GSK3B: variants seen among roughly 807,000 people sequenced by gnomAD.
GSK3B encodes the protein glycogen synthase kinase 3 beta, also known as glycogen synthase kinase-3 beta.
Under a neutral mutation model 56.4 loss-of-function variants are expected in GSK3B, and 15 were observed. That is an observed-to-expected ratio of 0.27 (90% confidence interval 0.18 to 0.41). The LOEUF (loss-of-function observed/expected upper bound fraction) is 0.41, where lower values mean the gene tolerates loss of function less well. Among genes scored for constraint, GSK3B ranks in the 10% least tolerant of loss-of-function variants. The pLI is 1.00. For synonymous variants in GSK3B, 181 were observed against 188.9 expected, an observed-to-expected ratio of 0.96 and a Z score of 0.34; for missense variants, 300 against 513.4, an observed-to-expected ratio of 0.58 and a Z score of 4.02.
chr3:120,088,338 TC>T (rs1420746587), intron 1 of GSK3B, among the ~76,000 whole-genome samples: 1 of 152,242 alleles, frequency 6.6e-6, no homozygotes, highest in African/African-American at 2.4e-5. Flanking sequence ...AATGGAATAT[TC>T]CTTTTTTATA....
At chr3:119,905,947 T>C in intron 6 of GSK3B, 95 bp from the exon 7 acceptor site, 2 of 750,282 alleles carry the variant, frequency 2.7e-6, no homozygotes, top group Middle Eastern at 2.4e-4. Context: ...GATCACAGAG[T>C]AAATATCACA....
chr3:119,982,866 G>T (rs898736476), intron 2 of GSK3B, among the ~76,000 whole-genome samples: 4 of 152,120 alleles, frequency 2.6e-5, no homozygotes, highest in African/African-American at 9.7e-5. Flanking sequence ...ACACCACAAA[G>T]ATACTCCAAG....
intron 3 of GSK3B, among the ~76,000 whole-genome samples, chr3:119,928,863 CTA>C (rs2056915551): frequency 6.6e-6 from 1 of 152,174 alleles, no homozygotes; most frequent in African/African-American, 2.4e-5. Context: ...ATGACAGTAT[CTA>C]TTTTAAAGAA....
At chr3:119,855,653 A>G (rs1323707912) in intron 9 of GSK3B, among the ~76,000 whole-genome samples, 2 of 152,236 alleles carry the variant, frequency 1.3e-5, no homozygotes, top group African/African-American at 4.8e-5. Context: ...GCAGCCATAA[A>G]AAAGGATGAG....
At chr3:119,883,912 G>C (rs1162112151) in intron 7 of GSK3B, among the ~76,000 whole-genome samples, 2 of 150,348 alleles carry the variant, frequency 1.3e-5, no homozygotes, top group African/African-American at 4.9e-5. Flanking sequence ...TTTGAGACCA[G>C]ACATTCAGGA....
chr3:119,843,001 C>T (rs185935374), intron 10 of GSK3B, among the ~76,000 whole-genome samples: 102 of 152,048 alleles, frequency 6.7e-4, no homozygotes, highest in Middle Eastern at 6.8e-3. Flanking sequence ...ATGCAACCTC[C>T]GCCTCCCGGT....
intron 3 of GSK3B, among the ~76,000 whole-genome samples, chr3:119,925,389 T>G (rs2056880849): frequency 6.6e-6 from 1 of 152,214 alleles, no homozygotes; most frequent in African/African-American, 2.4e-5. Context: ...TCCAGACCAC[T>G]TAATTTCTTC....
chr3:120,088,813 G>A (rs2058487286), intron 1 of GSK3B, among the ~76,000 whole-genome samples: 1 of 152,118 alleles, frequency 6.6e-6, no homozygotes, highest in Admixed American at 6.5e-5. Flanking sequence ...TCCATTATAG[G>A]GTGGAGCATC....
intron 1 of GSK3B, among the ~76,000 whole-genome samples, chr3:120,069,706 A>G (rs1438901947): frequency 6.6e-6 from 1 of 152,164 alleles, no homozygotes; most frequent in Non-Finnish European, 1.5e-5. Context: ...TAACTATACA[A>G]ACATCACATC....
At chr3:120,053,291 C>T (rs778197762) in intron 1 of GSK3B, among the ~76,000 whole-genome samples, 1 of 152,130 alleles carries the variant, frequency 6.6e-6, no homozygotes, top group Non-Finnish European at 1.5e-5. Context: ...GAGCCCAGAT[C>T]GCGCCACTAC....
intron 3 of GSK3B, among the ~76,000 whole-genome samples, chr3:119,943,941 T>C (rs773590783): frequency 1.3e-4 from 20 of 151,642 alleles, no homozygotes; most frequent in South Asian, 4.2e-4. Flanking sequence ...CAGTGAAAGG[T>C]TGAGGAATCC....
chr3:119,944,672 T>C lies in GSK3B; in HGVS notation c.366+2596A>G, dbSNP rs182467215. ...ACTTTGTCAATGTCACTTCTCCACC[T>C]AGAGCCACCACCACCATCTACGAAG... is the stretch of plus-strand genomic sequence containing the variant. On this transcript the variant is annotated intron_variant, in intron 3 of 10. Coordinates refer to ENST00000264235, the MANE Select transcript of GSK3B (RefSeq NM_001146156.2). Among the ~76,000 whole-genome samples the C allele has an allele frequency of 5.2e-4, 79 of 152,258 alleles. 1 individual carries two copies. Among genetic ancestry groups the C allele is most frequent in the African/African-American group, 1.8e-3 (73 of 41,562 alleles).
intron 1 of GSK3B, among the ~76,000 whole-genome samples, chr3:120,060,876 AAGTC>A (rs774820824): frequency 1.3e-5 from 2 of 152,242 alleles, no homozygotes; most frequent in Admixed American, 6.5e-5. Flanking sequence ...AAAATGTAGC[AAGTC>A]AGTCAGTCAA....
At chr3:120,091,940 G>A (rs1335640209) in intron 1 of GSK3B, among the ~76,000 whole-genome samples, 1 of 152,102 alleles carries the variant, frequency 6.6e-6, no homozygotes, top group Non-Finnish European at 1.5e-5. Context: ...TCAACTAAAA[G>A]TGATCATTTT....
At chr3:119,964,920 A>G (rs2057305110) in intron 2 of GSK3B, among the ~76,000 whole-genome samples, 1 of 152,198 alleles carries the variant, frequency 6.6e-6, no homozygotes, top group African/African-American at 2.4e-5. Context: ...CAGTTTTTAA[A>G]TATACCAATT....
At chr3:119,959,817 T>C (rs13082493) in intron 2 of GSK3B, among the ~76,000 whole-genome samples, 118 of 152,044 alleles carry the variant, frequency 7.8e-4, no homozygotes, top group Non-Finnish European at 1.5e-3. Context: ...GTTCCCAAAG[T>C]GCTAGGATTA....
chr3:119,950,890 G>C (rs1287173968), intron 2 of GSK3B, among the ~76,000 whole-genome samples: 1 of 152,146 alleles, frequency 6.6e-6, no homozygotes, highest in Non-Finnish European at 1.5e-5. Flanking sequence ...GTTTTCCCAG[G>C]GCAGTGTTGG....
At chr3:119,941,963 G>A (rs2057053715) in intron 3 of GSK3B, among the ~76,000 whole-genome samples, 1 of 152,162 alleles carries the variant, frequency 6.6e-6, no homozygotes, top group Non-Finnish European at 1.5e-5. Context: ...TTCCTCTCCA[G>A]AGCTAGTGGT....
At chr3:120,071,514 C>T (rs1158243571) in intron 1 of GSK3B, among the ~76,000 whole-genome samples, 1 of 152,166 alleles carries the variant, frequency 6.6e-6, no homozygotes, top group Non-Finnish European at 1.5e-5. Context: ...TCAGCAGCAG[C>T]ATCAGATTCT....
Sources: allele counts gnomAD v4.1 joint callset (sites outside exome capture counted in the v4.1 genomes callset), GRCh38; gene constraint gnomAD v4.1.1; transcripts MANE v1.5; gene names NCBI Gene and HGNC (gene_info 2026-07-23, HGNC 2026-07-21).